SHPRH: variants seen among roughly 807,000 people sequenced by gnomAD.
SHPRH encodes SNF2 histone linker PHD RING helicase, also known as E3 ubiquitin-protein ligase SHPRH.
Under a neutral mutation model 202.5 loss-of-function variants are expected in SHPRH, and 106 were observed. That is an observed-to-expected ratio of 0.52 (90% CI 0.45 to 0.62). The LOEUF is 0.62. Ranked by LOEUF, SHPRH falls within the 20% of genes least tolerant of loss-of-function variation. SHPRH has a pLI of 0.00. For synonymous variants in SHPRH, 729 were observed against 686.0 expected (o/e 1.06, Z -0.98); for missense variants, 1,710 against 2,020.0 (o/e 0.85, Z 2.94).
intron 1 of SHPRH, 85 bp from the exon 2 acceptor site, chr6:145,955,439 T>G: frequency 7.7e-7 from 1 of 1,291,228 alleles, no homozygotes; most frequent in Non-Finnish European, 1.1e-6. Context: ...CAGCATAAAT[T>G]CATAGCCCAT....
intron 1 of SHPRH, among the ~76,000 whole-genome samples, chr6:145,963,397 C>G (rs1054613446): frequency 6.6e-6 from 1 of 152,156 alleles, no homozygotes; most frequent in Admixed American, 6.5e-5. Flanking sequence ...TCAAACATCT[C>G]GGATTTCTAC....
chr6:145,945,369 A>G lies in SHPRH; in HGVS notation c.1578+12T>C. The G allele has an allele frequency of 6.2e-7, 1 of 1,602,582 alleles. No homozygotes were observed. The highest frequency in any genetic ancestry group is 8.5e-7 in the Non-Finnish European group (1 of 1,175,350). On this transcript the variant is annotated intron_variant, in intron 8 of 29. Transcript: ENST00000275233. ...GTGTACTTAATATAGAGCTGAACTT[A>G]AGCTCTGTTACCTGCTTTTTTGTTT...
chr6:145,888,451 C>T (rs1781294335), intron 28 of SHPRH, among the ~76,000 whole-genome samples: 2 of 151,936 alleles, frequency 1.3e-5, no homozygotes, highest in South Asian at 4.2e-4. Context: ...ATACACAGTC[C>T]CCGGGAAGGG....
chr6:145,913,705 A>G (rs1264978405), intron 23 of SHPRH, among the ~76,000 whole-genome samples, 156 bp from the exon 24 acceptor site: 3 of 152,204 alleles, frequency 2.0e-5, no homozygotes, highest in Admixed American at 6.5e-5. Flanking sequence ...TTACCTAACA[A>G]GATTATTCCT....
At chr6:145,930,616 A>G (rs1785337953) in intron 14 of SHPRH, among the ~76,000 whole-genome samples, 1 of 152,204 alleles carries the variant, frequency 6.6e-6, no homozygotes, top group Admixed American at 6.5e-5. Context: ...TTTGAAATTT[A>G]CTGCCTTGTT....
chr6:145,924,633 G>T, intron 17 of SHPRH, 106 bp downstream of exon 17: 1 of 863,040 alleles, frequency 1.2e-6, no homozygotes, highest in Non-Finnish European at 1.9e-6. Flanking sequence ...AGGTGCTAAG[G>T]ATTTCAAAAT....
chr6:145,874,159 T>C (rs1562272753), intron 2 of SHPRH, among the ~76,000 whole-genome samples: 2 of 151,698 alleles, frequency 1.3e-5, no homozygotes, highest in African/African-American at 4.9e-5. Flanking sequence ...GATCGTGCCA[T>C]TGCACTCCAG....
rs1781004674 is a variant in SHPRH, at chr6:145,886,360, C to T, written c.*331G>A. The T allele has an allele frequency of 3.2e-6, 2 of 631,808 alleles. No homozygotes were observed. The highest frequency in any genetic ancestry group is 2.6e-5 in the East Asian group (1 of 37,904). 39.1% of individuals were successfully genotyped at this position (631,808 alleles called of 1,614,324 possible). On this transcript the variant is annotated 3_prime_UTR_variant, in exon 30 of 30. Coordinates refer to ENST00000275233, the MANE Select transcript of SHPRH (RefSeq NM_001042683.3). Reference sequence around the variant, plus strand: ...AACTAGACTAGTTTACTTTCTTATTCCAACTGTTTTATGAGTGATCTTATC... The same window carrying T: ...AACTAGACTAGTTTACTTTCTTATTTCAACTGTTTTATGAGTGATCTTATC...
At chr6:145,933,816 T>C (rs1785732365) in intron 13 of SHPRH, among the ~76,000 whole-genome samples, 1 of 152,210 alleles carries the variant, frequency 6.6e-6, no homozygotes, top group African/African-American at 2.4e-5. Context: ...AGTTGCAGTC[T>C]GATTCACAAA....
chr6:145,915,820 TTTAC>T (rs61612674), intron 23 of SHPRH, among the ~76,000 whole-genome samples: 63,597 of 151,346 alleles, frequency 0.42, 14,264 homozygotes, highest in Admixed American at 0.5. Context: ...TGTTTTTTTC[TTTAC>T]TTATTCTGCT....
At chr6:145,920,644 AAAC>A (rs1448002939) in intron 21 of SHPRH, among the ~76,000 whole-genome samples, 2 of 152,112 alleles carry the variant, frequency 1.3e-5, no homozygotes, top group Non-Finnish European at 2.9e-5. Context: ...AATCCAAATA[AAAC>A]AATAATTGAA....
intron 13 of SHPRH, among the ~76,000 whole-genome samples, chr6:145,934,644 A>G (rs1029679526): frequency 6.6e-6 from 1 of 151,650 alleles, no homozygotes; most frequent in African/African-American, 2.4e-5. Flanking sequence ...CAGCCTGGGA[A>G]AGAGTGAGAC....
chr6:145,901,910 C>T lies in SHPRH; in HGVS notation c.4516-6933G>A, dbSNP rs553645348. On this transcript the variant is annotated intron_variant, in intron 25 of 29. Transcript: ENST00000275233. ...TGACCAAGGTCCAGCTTTGGAATAA[C>T]GACACAGCTTCTGTCCTTTACCCTC... is the stretch of plus-strand genomic sequence containing the variant. 2.0e-5 allele frequency among the ~76,000 whole-genome samples: 3 copies of T among 152,112 alleles called. No homozygotes were observed. The East Asian group carries it at 5.8e-4, about 29-fold the overall frequency.
At chr6:145,926,902 C>G (rs1352118745) in intron 15 of SHPRH, among the ~76,000 whole-genome samples, 1 of 151,870 alleles carries the variant, frequency 6.6e-6, no homozygotes, top group Non-Finnish European at 1.5e-5. Flanking sequence ...AGTGATAAAA[C>G]TGACCTACTC....
the SHPRH span, among the ~76,000 whole-genome samples, chr6:145,857,989 GA>G: frequency 6.6e-6 from 1 of 152,068 alleles, no homozygotes; most frequent in African/African-American, 2.4e-5. Context: ...TAGTTATAGG[GA>G]AATGCAAATC....
At chr6:145,917,960 C>T (rs1247862863) in intron 23 of SHPRH, 171 bp downstream of exon 23, 2 of 445,138 alleles carry the variant, frequency 4.5e-6, no homozygotes, top group East Asian at 3.5e-5. Flanking sequence ...TCTATAGATA[C>T]AATATTCTTT....
intron 11 of SHPRH, among the ~76,000 whole-genome samples, chr6:145,939,201 C>T (rs1426930862): frequency 2.6e-5 from 4 of 151,948 alleles, no homozygotes; most frequent in Admixed American, 2.0e-4. Context: ...CAGAAAGATA[C>T]CAGAGAGATA....
At chr6:145,955,644 A>T (rs4391282) in intron 1 of SHPRH, among the ~76,000 whole-genome samples, 83,327 of 151,920 alleles carry the variant, frequency 0.55, 23,346 homozygotes, top group Admixed American at 0.67. Context: ...TTAATAAGCA[A>T]TATAATAGGA....
chr6:145,907,394 TTC>T (rs1490123179), intron 25 of SHPRH: 12 of 152,266 alleles, frequency 7.9e-5, no homozygotes, highest in African/African-American at 2.9e-4. Context: ...TTCTGCTCTA[TTC>T]TGTTCCTCAT....
Sources: gnomAD v4.1 joint callset for allele counts (sites outside exome capture counted in the v4.1 genomes callset) on GRCh38, gnomAD v4.1.1 for gene constraint, MANE v1.5 for transcripts, NCBI Gene and HGNC (gene_info 2026-07-23, HGNC 2026-07-21) for gene names.